The following BNC2 variants were observed in gnomAD, a reference collection of about 807,000 sequenced individuals.
The protein encoded by BNC2 is basonuclin zinc finger protein 2.
Under a neutral mutation model 76.3 loss-of-function variants are expected in BNC2, and 20 were observed. The observed-to-expected ratio is 0.26, with a 90% CI of 0.18 to 0.38. BNC2 has a LOEUF of 0.38. Among genes scored for constraint, BNC2 ranks in the 10% least tolerant of loss-of-function variants. BNC2 has a pLI of 1.00. For synonymous variants in BNC2, 582 were observed against 514.8 expected, an observed-to-expected ratio of 1.13 and a Z score of -1.77; for missense variants, 1,382 against 1,399.8, an observed-to-expected ratio of 0.99 and a Z score of 0.20.
At chr9:16,479,601 G>T (rs1219163995) in intron 5 of BNC2, among the ~76,000 whole-genome samples, 1 of 152,152 alleles carries the variant, frequency 6.6e-6, no homozygotes, top group African/African-American at 2.4e-5. Context: ...ACATTTGCTT[G>T]TAAGAGTCTT....
chr9:16,413,942 C>T lies in BNC2; in HGVS notation c.*5047G>A, dbSNP rs564659596. 6.6e-6 allele frequency: 1 copy of T among 152,224 alleles called. No homozygotes were observed. Among genetic ancestry groups the T allele is most frequent in the South Asian group, 2.1e-4 (1 of 4,812 alleles). 9.4% of individuals were successfully genotyped at this position (152,224 alleles called of 1,614,324 possible). On this transcript the variant is annotated 3_prime_UTR_variant, in exon 7 of 7. Transcript: ENST00000380672. ...AGGAACGATCCATGCTGGTGCCATT[C>T]GCACCTACTCCTCTGTTAGGATGAA...
intron 1 of BNC2, among the ~76,000 whole-genome samples, chr9:16,740,594 T>G (rs1182852293): frequency 6.6e-6 from 1 of 152,226 alleles, no homozygotes; most frequent in African/African-American, 2.4e-5. Context: ...AGATAAAACA[T>G]TCTTTGGAGA....
chr9:16,670,296 A>T (rs1266511745), intron 3 of BNC2, among the ~76,000 whole-genome samples: 1 of 152,090 alleles, frequency 6.6e-6, no homozygotes, highest in Non-Finnish European at 1.5e-5. Context: ...TCTATTTAGA[A>T]TATACATATA....
chr9:16,488,213 T>A (rs765417757), intron 5 of BNC2, among the ~76,000 whole-genome samples: 32 of 152,272 alleles, frequency 2.1e-4, no homozygotes, highest in Non-Finnish European at 3.8e-4. Context: ...TTCTATCAAA[T>A]TCACAAAGGA....
intron 5 of BNC2, among the ~76,000 whole-genome samples, chr9:16,450,896 T>G (rs904689031): frequency 6.6e-6 from 1 of 152,192 alleles, no homozygotes; most frequent in African/African-American, 2.4e-5. Context: ...AAAATGGAAG[T>G]GCCATACTCT....
intron 5 of BNC2, among the ~76,000 whole-genome samples, chr9:16,538,202 A>G (rs1269770452): frequency 1.3e-5 from 2 of 152,182 alleles, no homozygotes; most frequent in African/African-American, 4.8e-5. Flanking sequence ...CCAATTGGAC[A>G]CTGCTTTTCA....
intron 1 of BNC2, among the ~76,000 whole-genome samples, chr9:16,858,199 T>C (rs1257102219): frequency 6.6e-6 from 1 of 152,184 alleles, no homozygotes; most frequent in East Asian, 1.9e-4. Context: ...CCTTTTGAGG[T>C]ATTTATAAAA....
chr9:16,787,761 G>C (rs1826337224), intron 1 of BNC2, among the ~76,000 whole-genome samples: 1 of 152,084 alleles, frequency 6.6e-6, no homozygotes, highest in African/African-American at 2.4e-5. Flanking sequence ...TTGTTGCCCG[G>C]GCTGGTCTTG....
At chr9:16,697,671 C>T (rs1029835601) in intron 3 of BNC2, among the ~76,000 whole-genome samples, 4 of 150,284 alleles carry the variant, frequency 2.7e-5, no homozygotes, top group Non-Finnish European at 5.9e-5. Flanking sequence ...GGCAGTGAGC[C>T]GAGATTGCCA....
At position 16,616,812 on chromosome 9, in the gene BNC2, GAAGGAAGA is replaced by G. The variant is rs769385028; in HGVS notation, c.331-33735_331-33728del. 1.6e-3 allele frequency among the ~76,000 whole-genome samples: 245 copies of G among 149,908 alleles called. 9 individuals are homozygous for G. Among genetic ancestry groups the G allele is most frequent in the African/African-American group, 4.8e-3 (196 of 40,736 alleles). ...GGAGGGAAGGAAGGAAGGAAGGAAG[GAAGGAAGA>G]AAGGAAGGAAGGAAGGAAGTTCTAC... is the stretch of plus-strand genomic sequence containing the variant. On this transcript the variant is annotated intron_variant, in intron 3 of 6. Transcript: ENST00000380672.
intron 5 of BNC2, among the ~76,000 whole-genome samples, chr9:16,546,629 C>A (rs1818491526): frequency 6.6e-6 from 1 of 152,166 alleles, no homozygotes; most frequent in African/African-American, 2.4e-5. Flanking sequence ...AATGGAGTAT[C>A]AGGAAATAGG....
chr9:16,445,291 C>G (rs145911164), intron 5 of BNC2, among the ~76,000 whole-genome samples: 1 of 152,308 alleles, frequency 6.6e-6, no homozygotes, highest in East Asian at 1.9e-4. Flanking sequence ...ACACAATATA[C>G]ATCAGAGCAC....
intron 5 of BNC2, among the ~76,000 whole-genome samples, chr9:16,550,281 T>C (rs1239849236): frequency 2.0e-5 from 3 of 152,188 alleles, no homozygotes; most frequent in Non-Finnish European, 4.4e-5. Context: ...TCATCAGCTA[T>C]TGTTAGTGTT....
intron 5 of BNC2, among the ~76,000 whole-genome samples, chr9:16,498,208 TATATATATTCCATC>T (rs1822439793): frequency 1.9e-5 from 2 of 103,398 alleles, no homozygotes; most frequent in African/African-American, 7.9e-5. Context: ...TATTCCATCA[TATATATATTCCATC>T]ATATATATAT....
chr9:16,720,693 C>CT (rs945375736), intron 3 of BNC2, among the ~76,000 whole-genome samples: 1 of 151,940 alleles, frequency 6.6e-6, no homozygotes, highest in African/African-American at 2.4e-5. Context: ...AGGATCAATT[C>CT]TTTTTTTTAA....
intron 1 of BNC2, among the ~76,000 whole-genome samples, chr9:16,820,444 A>G (rs1278164941): frequency 6.6e-6 from 1 of 152,150 alleles, no homozygotes; most frequent in South Asian, 2.1e-4. Flanking sequence ...AAAAGCAATA[A>G]TAAGGCCCAG....
At chr9:16,533,814 GT>G (rs1303799037) in intron 5 of BNC2, among the ~76,000 whole-genome samples, 1 of 152,090 alleles carries the variant, frequency 6.6e-6, no homozygotes, top group South Asian at 2.1e-4. Context: ...ATATTTCTGA[GT>G]TAAAATGTAT....
chr9:16,679,777 G>A (rs1288730718), intron 3 of BNC2, among the ~76,000 whole-genome samples: 1 of 152,200 alleles, frequency 6.6e-6, no homozygotes, highest in African/African-American at 2.4e-5. Context: ...GCATTAGCAA[G>A]GGCACATTAT....
chr9:16,434,773 G>A (rs1437590955), intron 6 of BNC2: 6 of 453,276 alleles, frequency 1.3e-5, no homozygotes, highest in African/African-American at 1.0e-4. Flanking sequence ...GTCATCTGAA[G>A]GCTGGACATA....
Sources: allele counts gnomAD v4.1 joint callset (sites outside exome capture counted in the v4.1 genomes callset), GRCh38; gene constraint gnomAD v4.1.1; transcripts MANE v1.5; gene names NCBI Gene and HGNC (gene_info 2026-07-23, HGNC 2026-07-21).